HS6ST3: variants seen among roughly 807,000 people sequenced by gnomAD.
HS6ST3 encodes the protein heparan-sulfate 6-O-sulfotransferase 3.
In HS6ST3, 12 loss-of-function variants were observed where a neutral mutation model predicts 36.7. The observed-to-expected ratio is 0.33, with a 90% CI of 0.21 to 0.53. The LOEUF (loss-of-function observed/expected upper bound fraction) is 0.53, where lower values mean the gene tolerates loss of function less well. Ranked by LOEUF, HS6ST3 falls within the 20% of genes least tolerant of loss-of-function variation. The pLI is 0.95. For missense variants in HS6ST3, 584 were observed against 640.9 expected (o/e 0.91, Z 0.96); for synonymous variants, 240 against 257.5 (o/e 0.93, Z 0.65).
At chr13:96,245,362 C>T (rs2054579774) in intron 1 of HS6ST3, among the ~76,000 whole-genome samples, 1 of 152,198 alleles carries the variant, frequency 6.6e-6, no homozygotes, top group South Asian at 2.1e-4. Context: ...AGATCACTAT[C>T]TTACCGTCTT....
At position 96,271,834 on chromosome 13, in the gene HS6ST3, A is replaced by G. The variant is rs77220578; in HGVS notation, c.707+180265A>G. On this transcript the variant is annotated intron_variant, in intron 1 of 1. Transcript: ENST00000376705. ...ATCCCACATGGACACCTCTCATTGG[A>G]TAACTCTAAACTGACACCATATGGG... Among the ~76,000 whole-genome samples the G allele has an allele frequency of 7.6e-3, 1,152 of 152,076 alleles. 30 individuals carry two copies. The highest frequency in any genetic ancestry group is 0.026 in the African/African-American group (1,077 of 41,360).
intron 1 of HS6ST3, among the ~76,000 whole-genome samples, chr13:96,819,699 G>A (rs1333842322): frequency 6.6e-6 from 1 of 152,112 alleles, no homozygotes; most frequent in African/African-American, 2.4e-5. Flanking sequence ...GAGCACAGGA[G>A]TTGAAGTAAG....
chr13:96,822,173 G>A (rs911127895), intron 1 of HS6ST3, among the ~76,000 whole-genome samples: 2 of 152,200 alleles, frequency 1.3e-5, no homozygotes, highest in African/African-American at 4.8e-5. Context: ...AGAGCTGCCA[G>A]TGAGACTGAA....
intron 1 of HS6ST3, among the ~76,000 whole-genome samples, chr13:96,227,637 A>G (rs1246276778): frequency 2.6e-5 from 4 of 152,240 alleles, no homozygotes. Flanking sequence ...CATAAAAATG[A>G]TTAATTAGAC....
intron 1 of HS6ST3, among the ~76,000 whole-genome samples, chr13:96,348,000 G>A (rs1281296754): frequency 6.6e-6 from 1 of 152,014 alleles, no homozygotes; most frequent in Non-Finnish European, 1.5e-5. Flanking sequence ...CACACTCTTT[G>A]GCATAGAGTA....
At position 96,305,711 on chromosome 13, in the gene HS6ST3, T is replaced by C. The variant is rs561296631; in HGVS notation, c.707+214142T>C. 2.9e-3 allele frequency among the ~76,000 whole-genome samples: 442 copies of C among 152,310 alleles called. 1 individual carries two copies. The highest frequency in any genetic ancestry group is 0.01 in the African/African-American group (424 of 41,576). ...TAATTATTAGCTATTTTTACTGCAA[T>C]TTACATGTGTCCCACAGTAATATAC... On this transcript the variant is annotated intron_variant, in intron 1 of 1. Coordinates refer to ENST00000376705, the MANE Select transcript of HS6ST3 (RefSeq NM_153456.4).
intron 1 of HS6ST3, among the ~76,000 whole-genome samples, chr13:96,775,273 A>G (rs1877359011): frequency 6.6e-6 from 1 of 152,130 alleles, no homozygotes; most frequent in African/African-American, 2.4e-5. Flanking sequence ...AACTGCATCA[A>G]CTAATGGATA....
chr13:96,349,767 A>G (rs1246149419), intron 1 of HS6ST3, among the ~76,000 whole-genome samples: 2 of 152,256 alleles, frequency 1.3e-5, no homozygotes, highest in African/African-American at 4.8e-5. Flanking sequence ...AATATGATTG[A>G]ATTGTTAATG....
chr13:96,394,259 G>A (rs2055409709), intron 1 of HS6ST3, among the ~76,000 whole-genome samples: 1 of 151,448 alleles, frequency 6.6e-6, no homozygotes, highest in Non-Finnish European at 1.5e-5. Flanking sequence ...ACTGAGAGGA[G>A]TGCTTTAGTC....
chr13:96,819,316 C>A lies in HS6ST3; in HGVS notation c.708-13174C>A, dbSNP rs187431744. On this transcript the variant is annotated intron_variant, in intron 1 of 1. Coordinates refer to ENST00000376705, the MANE Select transcript of HS6ST3 (RefSeq NM_153456.4). ...ACTTTATTTACCTCCAGACTGAAGTCTGGAACACTACCTACTTAGAAATGA... is the reference window on the plus strand; with the variant it reads ...ACTTTATTTACCTCCAGACTGAAGTATGGAACACTACCTACTTAGAAATGA... Among the ~76,000 whole-genome samples the A allele has an allele frequency of 2.8e-4, 42 of 152,284 alleles. No homozygotes were observed. The East Asian group carries it at 7.7e-3, about 28-fold the overall frequency.
At chr13:96,574,497 T>C in intron 1 of HS6ST3, 1 of 434,240 alleles carries the variant, frequency 2.3e-6, no homozygotes, top group Non-Finnish European at 4.1e-6. Flanking sequence ...CCTACAATCA[T>C]TACTCCTGAC....
intron 1 of HS6ST3, among the ~76,000 whole-genome samples, chr13:96,728,675 A>G (rs1391050468): frequency 6.6e-6 from 1 of 152,142 alleles, no homozygotes; most frequent in Non-Finnish European, 1.5e-5. Context: ...GTAGAAAGGC[A>G]TTATCTTGGA....
intron 1 of HS6ST3, among the ~76,000 whole-genome samples, chr13:96,649,658 G>A (rs1015086908): frequency 4.0e-5 from 6 of 151,898 alleles, no homozygotes. Context: ...TATCCTGATG[G>A]GACTATCATC....
chr13:96,577,007 T>G (rs965479279), intron 1 of HS6ST3, among the ~76,000 whole-genome samples: 1 of 150,712 alleles, frequency 6.6e-6, no homozygotes, highest in African/African-American at 2.4e-5. Flanking sequence ...TGTATAGATA[T>G]TTTTTCTTTT....
At chr13:96,666,682 T>A (rs2056665319) in intron 1 of HS6ST3, among the ~76,000 whole-genome samples, 1 of 152,172 alleles carries the variant, frequency 6.6e-6, no homozygotes, top group South Asian at 2.1e-4. Flanking sequence ...TATCATCATT[T>A]CCACCTCTAA....
intron 1 of HS6ST3, among the ~76,000 whole-genome samples, chr13:96,217,708 A>G (rs1008295195): frequency 5.3e-5 from 8 of 152,364 alleles, no homozygotes; most frequent in Admixed American, 4.6e-4. Context: ...TTCAAAATCT[A>G]TACTGTTAAT....
At chr13:96,341,729 T>G (rs1012239455) in intron 1 of HS6ST3, among the ~76,000 whole-genome samples, 1 of 152,160 alleles carries the variant, frequency 6.6e-6, no homozygotes, top group African/African-American at 2.4e-5. Context: ...AATTAAAACA[T>G]TTTTATAACA....
chr13:96,279,895 T>C (rs1468980075), intron 1 of HS6ST3, among the ~76,000 whole-genome samples: 1 of 152,230 alleles, frequency 6.6e-6, no homozygotes, highest in Non-Finnish European at 1.5e-5. Flanking sequence ...TTTTTGCTAC[T>C]TTAATTTTAT....
intron 1 of HS6ST3, among the ~76,000 whole-genome samples, chr13:96,619,987 G>A (rs1014556995): frequency 2.0e-5 from 3 of 152,146 alleles, no homozygotes; most frequent in Non-Finnish European, 1.5e-5. Flanking sequence ...TCCCTTCCCC[G>A]TCTGAGAAGC....
Sources: allele counts gnomAD v4.1 joint callset (sites outside exome capture counted in the v4.1 genomes callset), GRCh38; gene constraint gnomAD v4.1.1; transcripts MANE v1.5; gene names NCBI Gene and HGNC (gene_info 2026-07-23, HGNC 2026-07-21).